Variants in ZNF500 observed in about 807,000 individuals in gnomAD.
ZNF500 encodes the protein zinc finger protein with KRAB and SCAN domains 18.
Under a neutral mutation model 30.1 loss-of-function variants are expected in ZNF500, and 31 were observed. That is an observed-to-expected ratio of 1.03 (90% CI 0.77 to 1.39). The LOEUF is 1.39. Among genes scored for constraint, ZNF500 ranks in the 40% most tolerant of loss-of-function variants. ZNF500 has a pLI of 0.00. For synonymous variants in ZNF500, 392 were observed against 282.0 expected (o/e 1.39, Z -3.91); for missense variants, 817 against 657.8 (o/e 1.24, Z -2.65).
chr16:4,752,045 G>C lies in ZNF500; in HGVS notation c.*331C>G. The C allele has an allele frequency of 7.8e-7, 1 of 1,282,250 alleles. No homozygotes were observed. The highest frequency in any genetic ancestry group is 9.9e-7 in the Non-Finnish European group (1 of 1,013,564). The allele number at this position is 1,282,250 out of a possible 1,614,324, so 79.4% of individuals were successfully genotyped here. ...CACTGGATGCTGGAGGCAGCTGATG[G>C]ACCCTCCCAGGCCCTTCAGGAGCCA... On this transcript the variant is annotated 3_prime_UTR_variant, in exon 6 of 6. Coordinates refer to ENST00000219478, the MANE Select transcript of ZNF500 (RefSeq NM_021646.4).
Position 4,750,868 on chromosome 16 carries a change from A to G in ZNF500, c.*1508T>C, listed in dbSNP as rs2082070354. 2 of 143,818 alleles carry G rather than the reference A, an allele frequency of 1.4e-5. No individual in the cohort carries two copies. 8.9% of individuals were successfully genotyped at this position (143,818 alleles called of 1,614,324 possible). A position where few individuals can be genotyped will look rare whatever the true frequency, so the allele number is the denominator to read the frequency against. ...AGGCTGCTCTTGAACTCCTGGGCTC[A>G]AGCAATCCACCCGCGTTGGCCTCCC... On this transcript the variant is annotated 3_prime_UTR_variant, in exon 6 of 6. Coordinates refer to ENST00000219478, the MANE Select transcript of ZNF500 (RefSeq NM_021646.4).
At position 4,752,599 on chromosome 16, in the gene ZNF500, C is replaced by T. The variant is rs749499388; in HGVS notation, c.1220G>A (p.Arg407Gln). Reference protein sequence around the residue: ...VIHRRTHSGERPYACTQCGKR... With the variant: ...VIHRRTHSGEQPYACTQCGKR... The stretch of plus-strand genomic sequence containing the variant: ...CCCGCACTGGGTGCAGGCATAGGGC[C>T]GCTCCCCGCTGTGTGTCCTGCGGTG... The change falls in exon 6 of 6, where the codon CGG becomes CAG. Residue 407 changes from arginine (R) to glutamine (Q), a missense_variant. Transcript: ENST00000219478. The T allele has an allele frequency of 1.9e-4, 305 of 1,594,752 alleles. No individual in the cohort carries two copies. Among genetic ancestry groups the T allele is most frequent in the South Asian group, 3.9e-4 (35 of 89,364 alleles).
intron 2 of ZNF500, chr16:4,763,152 C>T (rs1421259391): frequency 4.5e-5 from 44 of 983,460 alleles, no homozygotes; most frequent in Non-Finnish European, 5.3e-5. Context: ...AATTCCAGCA[C>T]TTTGGGAGGC....
intron 2 of ZNF500, chr16:4,763,088 G>A (rs1253599337): frequency 2.0e-6 from 2 of 985,314 alleles, no homozygotes; most frequent in East Asian, 1.1e-4. Flanking sequence ...TCACAGAACT[G>A]CATTTGCTAG....
At position 4,751,871 on chromosome 16, in the gene ZNF500, G is replaced by A; in HGVS notation, c.*505C>T. On this transcript the variant is annotated 3_prime_UTR_variant, in exon 6 of 6. Transcript: ENST00000219478. ...TGCAGTGAGCTATGATCATGGCACTGTATTCCCGCCTGGGGGACACAGCAA... is the reference window on the plus strand; with the variant it reads ...TGCAGTGAGCTATGATCATGGCACTATATTCCCGCCTGGGGGACACAGCAA... 3.1e-6 allele frequency: 1 copy of A among 320,800 alleles called. No individual in the cohort carries two copies. The highest frequency in any genetic ancestry group is 3.9e-5 in the South Asian group (1 of 25,784). 19.9% of individuals were successfully genotyped at this position (320,800 alleles called of 1,614,324 possible).
intron 5 of ZNF500, among the ~76,000 whole-genome samples, chr16:4,754,355 C>G (rs979672617): frequency 6.6e-6 from 1 of 152,090 alleles, no homozygotes; most frequent in South Asian, 2.1e-4. Flanking sequence ...GCCTCAAATT[C>G]CACATCTAAA....
chr16:4,760,280 C>T (rs1020745109), intron 5 of ZNF500, among the ~76,000 whole-genome samples: 2 of 152,088 alleles, frequency 1.3e-5, no homozygotes, highest in South Asian at 2.1e-4. Flanking sequence ...GGCAGAAGAA[C>T]AGGATGGCAA....
At chr16:4,765,535 T>C (rs781340843) in intron 2 of ZNF500, 30 bp downstream of exon 2, 2 of 1,549,034 alleles carry the variant, frequency 1.3e-6, no homozygotes, top group Admixed American at 3.9e-5. Context: ...CCCCATTTCC[T>C]CACCTGAGGG....
chr16:4,766,136 CCTGG>C, intron 1 of ZNF500, 60 bp from the exon 2 acceptor site: 1 of 837,600 alleles, frequency 1.2e-6, no homozygotes, highest in South Asian at 2.7e-5. Context: ...AGCCCTTTGG[CCTGG>C]GAAGCCCCTG....
At chr16:4,760,804 G>A (rs146599848) in intron 4 of ZNF500, among the ~76,000 whole-genome samples, 3,042 of 152,256 alleles carry the variant, frequency 0.02, 48 homozygotes, top group Non-Finnish European at 0.031. Flanking sequence ...GGACACCACC[G>A]GAGAAGGGAC....
chr16:4,747,480 C>G (rs772381788), downstream of ZNF500: 3 of 1,613,176 alleles, frequency 1.9e-6, no homozygotes, highest in East Asian at 2.2e-5. Flanking sequence ...GGATCACGAA[C>G]TGGGAGGAAG....
At chr16:4,754,216 A>C (rs1027547232) in intron 5 of ZNF500, among the ~76,000 whole-genome samples, 11 of 152,040 alleles carry the variant, frequency 7.2e-5, no homozygotes, top group Admixed American at 2.0e-4. Flanking sequence ...AGAACCACCC[A>C]CTGCCCTTGG....
At chr16:4,765,445 A>T in intron 2 of ZNF500, 120 bp downstream of exon 2, 3 of 1,414,002 alleles carry the variant, frequency 2.1e-6, no homozygotes, top group Non-Finnish European at 2.9e-6. Context: ...TGCTTTCCTC[A>T]AAAGGGCTCA....
Position 4,766,013 on chromosome 16 carries a change from A to G in ZNF500, c.-35T>C, listed in dbSNP as rs780191583. 2.0e-6 allele frequency: 3 copies of G among 1,517,134 alleles called. No individual in the cohort carries two copies. The highest frequency in any genetic ancestry group is 2.8e-5 in the African/African-American group (2 of 71,828). The allele number at this position is 1,517,134 out of a possible 1,614,324, so 94.0% of individuals were successfully genotyped here. A position where few individuals can be genotyped will look rare whatever the true frequency, so the allele number is the denominator to read the frequency against. On this transcript the variant is annotated 5_prime_UTR_variant, in exon 2 of 6. Coordinates refer to ENST00000219478, the MANE Select transcript of ZNF500 (RefSeq NM_021646.4). ...TGGGCCTTGTTCCTTTTCAGGCCTT[A>G]GAGTTGAACCTGTCTCTCTCTATAC... is the stretch of plus-strand genomic sequence containing the variant.
downstream of ZNF500, chr16:4,747,018 G>C: frequency 6.5e-7 from 1 of 1,530,938 alleles, no homozygotes; most frequent in East Asian, 2.4e-5. Flanking sequence ...TTCCTCCCTG[G>C]GGCTACGGTA....
Position 4,752,570 on chromosome 16 carries a change from G to T in ZNF500, c.1249C>A (p.Arg417Ser). Residue 417 changes from arginine to serine, a missense_variant, in exon 6 of 6, where the codon CGC becomes AGC. By Grantham distance (110) the Arg-to-Ser change is moderately radical (BLOSUM62 -1). Coordinates refer to ENST00000219478, the MANE Select transcript of ZNF500 (RefSeq NM_021646.4). ...RPYACTQCGK[R>S]FNNSSHFSAH... ...CTGAAGTGCGAGCTGTTGTTGAAGCGCTTCCCGCACTGGGTGCAGGCATAG... is the reference window on the plus strand; with the variant it reads ...CTGAAGTGCGAGCTGTTGTTGAAGCTCTTCCCGCACTGGGTGCAGGCATAG... 6.3e-7 allele frequency: 1 copy of T among 1,578,026 alleles called. No individual in the cohort carries two copies. Among genetic ancestry groups the T allele is most frequent in the Non-Finnish European group, 8.6e-7 (1 of 1,164,022 alleles).
Position 4,762,647 on chromosome 16 carries a change from C to T in ZNF500, c.524G>A (p.Arg175Gln), listed in dbSNP as rs1421914870. 5.0e-6 allele frequency: 8 copies of T among 1,614,116 alleles called. No homozygotes were observed. Among genetic ancestry groups the T allele is most frequent in the Middle Eastern group, 1.6e-4 (1 of 6,062 alleles). The change falls in exon 3 of 6, where the codon CGA becomes CAA. Residue 175 changes from arginine to glutamine, a missense_variant. Transcript: ENST00000219478. Reference protein sequence around the residue: ...PEDLSLEEEARFSSQQPPAQL... With the variant: ...PEDLSLEEEAQFSSQQPPAQL... The stretch of plus-strand genomic sequence containing the variant: ...GGCTGGGGGCTGCTGGCTGGAGAAT[C>T]GAGCCTCTTCCTCCAGGGACAGATC...
In ZNF500 at chr16:4,753,715, G is replaced by A. The variant is rs528705430; in HGVS notation, c.761-657C>T. 7.9e-5 allele frequency among the ~76,000 whole-genome samples: 12 copies of A among 152,324 alleles called. No homozygotes were observed. The South Asian group carries it at 1.2e-3, about 16-fold the overall frequency. On this transcript the variant is annotated intron_variant, in intron 5 of 5. Coordinates refer to ENST00000219478, the MANE Select transcript of ZNF500 (RefSeq NM_021646.4). ...GTCTGGAGACATTTTTGTTGTGTCT[G>A]GGGAGGGGGTTGTAAATGGCCTCTA...
rs1222028375 is a variant in ZNF500 at position 4,752,268 on chromosome 16, G to T, written c.*108C>A. ...CCCTGCTGGCCTCATACTGGGCCATGGGAGGAAACGGGCAGCTGGCAATGC... is the reference window on the plus strand; with the variant it reads ...CCCTGCTGGCCTCATACTGGGCCATTGGAGGAAACGGGCAGCTGGCAATGC... On this transcript the variant is annotated 3_prime_UTR_variant, in exon 6 of 6. Coordinates refer to ENST00000219478, the MANE Select transcript of ZNF500 (RefSeq NM_021646.4). The T allele has an allele frequency of 7.0e-7, 1 of 1,430,060 alleles. No individual in the cohort carries two copies. Among genetic ancestry groups the T allele is most frequent in the Non-Finnish European group, 9.1e-7 (1 of 1,097,544 alleles). The allele number at this position is 1,430,060 out of a possible 1,614,324, so 88.6% of individuals were successfully genotyped here. A position where few individuals can be genotyped will look rare whatever the true frequency, so the allele number is the denominator to read the frequency against.
Sources: allele counts gnomAD v4.1 joint callset (sites outside exome capture counted in the v4.1 genomes callset), GRCh38; gene constraint gnomAD v4.1.1; transcripts MANE v1.5; gene names NCBI Gene and HGNC (gene_info 2026-07-23, HGNC 2026-07-21).